POP1: variants seen among roughly 807,000 people sequenced by gnomAD.
POP1 encodes POP1 ribonuclease P/MRP subunit, also known as ribonucleases P/MRP protein subunit POP1.
Under a neutral mutation model 102.2 loss-of-function variants are expected in POP1, and 75 were observed. The ratio of observed to expected loss-of-function variants is 0.73; its 90% confidence interval spans 0.61 to 0.89. The LOEUF (loss-of-function observed/expected upper bound fraction) is 0.89. Among genes scored for constraint, POP1 ranks in the 40% least tolerant of loss-of-function variants. The pLI is 0.00. For synonymous variants in POP1, 436 were observed against 464.1 expected (o/e 0.94, Z 0.78); for missense variants, 1,116 against 1,267.4 (o/e 0.88, Z 1.81).
chr8:98,127,434 C>G (rs901549149), intron 2 of POP1, among the ~76,000 whole-genome samples, 161 bp from the exon 3 acceptor site: 1 of 152,136 alleles, frequency 6.6e-6, no homozygotes, highest in Non-Finnish European at 1.5e-5. Context: ...ATTCACCTTC[C>G]TACGTAAGAT....
rs369681593 is a variant in POP1 at position 98,158,227 on chromosome 8, G to A, written c.3031G>A (p.Ala1011Thr). Residue 1011 changes from alanine (A) to threonine (T), a missense_variant, in exon 16 of 16, where the codon GCC (alanine) becomes ACC (threonine). Transcript: ENST00000401707. ...GGGCTTAGTGCTACTGAGGCCTCCCGCCTCTCTGCAGTATCGATTTGCGAG... is the reference window on the plus strand; with the variant it reads ...GGGCTTAGTGCTACTGAGGCCTCCCACCTCTCTGCAGTATCGATTTGCGAG... ...QRGLVLLRPP[A>T]SLQYRFARIA... 108 of 1,612,012 alleles carry A rather than the reference G, an allele frequency of 6.7e-5. No homozygotes were observed. The highest frequency in any genetic ancestry group is 8.6e-5 in the Non-Finnish European group (101 of 1,180,016).
rs758155006 is a variant in POP1, at chr8:98,136,535, A to G, written c.1065A>G (p.Ser355=). The G allele has an allele frequency of 3.1e-6, 5 of 1,614,098 alleles. No individual in the cohort carries two copies. The highest frequency in any genetic ancestry group is 4.2e-6 in the Non-Finnish European group (5 of 1,179,932). The change falls in exon 8 of 16, where the codon TCA becomes TCG. Residue 355 remains serine (S), a synonymous_variant. Coordinates refer to ENST00000401707, the MANE Select transcript of POP1 (RefSeq NM_001145860.2). ...AACQCVEPIK[S]AVCIADPLPT... is the part of the protein sequence containing the mutation. Reference sequence around the variant, plus strand: ...GCCAGTGTGTGGAACCCATCAAATCAGCTGTCTGCATCGCTGACCCACTTC... The same window carrying G: ...GCCAGTGTGTGGAACCCATCAAATCGGCTGTCTGCATCGCTGACCCACTTC...
At chr8:98,152,074 T>C (rs1809529317) in intron 14 of POP1, among the ~76,000 whole-genome samples, 1 of 152,198 alleles carries the variant, frequency 6.6e-6, no homozygotes, top group Non-Finnish European at 1.5e-5. Flanking sequence ...GGTGGATGAA[T>C]GAGTGACTAG....
At chr8:98,119,820 C>T (rs575523739) in intron 1 of POP1, among the ~76,000 whole-genome samples, 3 of 152,278 alleles carry the variant, frequency 2.0e-5, no homozygotes, top group East Asian at 1.9e-4. Context: ...GCAATCCTCC[C>T]GCCTTGGCCT....
At chr8:98,146,186 C>T (rs2130619932) in intron 11 of POP1, among the ~76,000 whole-genome samples, 1 of 152,300 alleles carries the variant, frequency 6.6e-6, no homozygotes, top group South Asian at 2.1e-4. Flanking sequence ...CCCCCTTAGC[C>T]TCCCAAGTGG....
At position 98,127,637 on chromosome 8, in the gene POP1, A is replaced by AC. The variant is rs1372460978; in HGVS notation, c.190dup (p.His64ProfsTer5). ...TCACGACAGCGGCAAACCAGAGTCA[A>AC]CCCCCATTCTCTGCCTGACCCTGAA... On this transcript the variant is annotated frameshift_variant, in exon 3 of 16. Transcript: ENST00000401707. LOFTEE classifies it high-confidence loss of function. 1 of 1,614,006 alleles carries AC rather than the reference A, an allele frequency of 6.2e-7. No homozygotes were observed. The highest frequency in any genetic ancestry group is 1.1e-5 in the South Asian group (1 of 91,070).
chr8:98,149,348 A>C (rs1445561475), intron 13 of POP1, among the ~76,000 whole-genome samples: 1 of 152,200 alleles, frequency 6.6e-6, no homozygotes, highest in African/African-American at 2.4e-5. Flanking sequence ...GATGGATAGA[A>C]TACTTTTTTT....
At position 98,150,431 on chromosome 8, in the gene POP1, A is replaced by C. The variant is rs143827946; in HGVS notation, c.1903-54A>C. 1.3e-3 allele frequency: 2,121 copies of C among 1,600,612 alleles called. 30 individuals carry two copies. The African/African-American group carries it at 0.024, about 18-fold the overall frequency. ...TCCATTTTCCCCCATATAAACATTA[A>C]GCAATTCACTTTAAGTTGGTAGACT... On this transcript the variant is annotated intron_variant, in intron 13 of 15. Transcript: ENST00000401707.
chr8:98,144,379 G>A (rs1046444283), intron 11 of POP1, among the ~76,000 whole-genome samples: 2 of 151,704 alleles, frequency 1.3e-5, no homozygotes, highest in African/African-American at 4.8e-5. Context: ...GGGCTCAAGC[G>A]ATCCTCCCAC....
At chr8:98,135,594 A>G (rs1407277638) in intron 7 of POP1, among the ~76,000 whole-genome samples, 2 of 152,168 alleles carry the variant, frequency 1.3e-5, no homozygotes, top group Non-Finnish European at 2.9e-5. Context: ...CCCAGCCCTA[A>G]TTAACCCATT....
At chr8:98,124,631 G>A (rs1218596501) in intron 2 of POP1, among the ~76,000 whole-genome samples, 2 of 152,132 alleles carry the variant, frequency 1.3e-5, no homozygotes, top group Non-Finnish European at 2.9e-5. Context: ...AGGAGGAATG[G>A]TTCAGTATTC....
rs531845488 is a variant in POP1, at chr8:98,136,203, C to G, written c.1012-279C>G. Among the ~76,000 whole-genome samples the G allele has an allele frequency of 7.9e-5, 12 of 151,980 alleles. No individual in the cohort carries two copies. In the South Asian group the frequency reaches 2.1e-3, roughly 26 times the overall value. Reference sequence around the variant, plus strand: ...TCAAGTGATTCTCCTGCCTTAGCCTCCTGAGTAGCTGAGATTATAGGTGCC... The same window carrying G: ...TCAAGTGATTCTCCTGCCTTAGCCTGCTGAGTAGCTGAGATTATAGGTGCC... On this transcript the variant is annotated intron_variant, in intron 7 of 15. Transcript: ENST00000401707.
Position 98,156,399 on chromosome 8 carries a change from C to T in POP1, c.2407C>T (p.Leu803Phe), listed in dbSNP as rs1337892783. Reference sequence around the variant, plus strand: ...CCATGTTGCTGCCACAGGGAGTCACCTCTGCGTTCTCAGGTAAGTGTCGGT... The same window carrying T: ...CCATGTTGCTGCCACAGGGAGTCACTTCTGCGTTCTCAGGTAAGTGTCGGT... Reference protein sequence around the residue: ...ENHVAATGSHLCVLRSRKLLK... With the variant: ...ENHVAATGSHFCVLRSRKLLK... The change falls in exon 15 of 16, where the codon CTC becomes TTC. Residue 803 changes from leucine to phenylalanine, a missense_variant. Physicochemically the swap from Leu to Phe is conservative, Grantham distance 22. Coordinates refer to ENST00000401707, the MANE Select transcript of POP1 (RefSeq NM_001145860.2). 1.2e-6 allele frequency: 2 copies of T among 1,613,706 alleles called. No individual in the cohort carries two copies. Among genetic ancestry groups the T allele is most frequent in the Non-Finnish European group, 1.7e-6 (2 of 1,179,966 alleles).
rs1809753987 is a variant in POP1 at position 98,159,734 on chromosome 8, T to G, written c.*1463T>G. The G allele has an allele frequency of 6.6e-6, 1 of 151,184 alleles. No homozygotes were observed. The allele number at this position is 151,184 out of a possible 1,614,324, so 9.4% of individuals were successfully genotyped here. A position where few individuals can be genotyped will look rare whatever the true frequency, so the allele number is the denominator to read the frequency against. On this transcript the variant is annotated 3_prime_UTR_variant, in exon 16 of 16. Coordinates refer to ENST00000401707, the MANE Select transcript of POP1 (RefSeq NM_001145860.2). ...ATGTCTGATGCTTTGCCTCTTACCATGCCTCTGAATGTCTTTGGATCCAAC... is the reference window on the plus strand; with the variant it reads ...ATGTCTGATGCTTTGCCTCTTACCAGGCCTCTGAATGTCTTTGGATCCAAC...
chr8:98,136,833 C>T, intron 8 of POP1, 28 bp from the exon 9 acceptor site: 1 of 1,610,062 alleles, frequency 6.2e-7, no homozygotes, highest in Non-Finnish European at 8.5e-7. Context: ...ATGAAAGTTT[C>T]CATTTTAAGA....
At chr8:98,139,918 T>C (rs1171946552) in intron 9 of POP1, among the ~76,000 whole-genome samples, 160 bp from the exon 10 acceptor site, 1 of 152,222 alleles carries the variant, frequency 6.6e-6, no homozygotes, top group African/African-American at 2.4e-5. Flanking sequence ...CTGGTATTAA[T>C]TACTATGTTA....
chr8:98,149,136 G>T (rs1809446832), intron 13 of POP1, 130 bp downstream of exon 13: 1 of 886,472 alleles, frequency 1.1e-6, no homozygotes, highest in African/African-American at 1.7e-5. Context: ...TGCCCTTAGA[G>T]CTATAGTCCT....
intron 11 of POP1, among the ~76,000 whole-genome samples, chr8:98,144,221 T>C (rs539640619): frequency 1.8e-4 from 28 of 152,216 alleles, no homozygotes; most frequent in South Asian, 2.1e-4. Flanking sequence ...TCTTTTTAGC[T>C]CAATAATACT....
chr8:98,120,704 TGGC>T (rs1815988882), intron 1 of POP1, among the ~76,000 whole-genome samples: 1 of 151,392 alleles, frequency 6.6e-6, no homozygotes, highest in African/African-American at 2.4e-5. Flanking sequence ...TGGAGTGCAG[TGGC>T]GCGATCTCGG....
Sources: gnomAD v4.1 joint callset for allele counts (sites outside exome capture counted in the v4.1 genomes callset) on GRCh38, gnomAD v4.1.1 for gene constraint, MANE v1.5 for transcripts, NCBI Gene and HGNC (gene_info 2026-07-23, HGNC 2026-07-21) for gene names.